Variants in DARS2 observed in about 807,000 individuals in gnomAD.
DARS2 encodes the protein aspartyl-tRNA synthetase 2, mitochondrial.
Under a neutral mutation model 83.0 loss-of-function variants are expected in DARS2, and 63 were observed. That is an observed-to-expected ratio of 0.76 (90% CI 0.62 to 0.94). The LOEUF (loss-of-function observed/expected upper bound fraction) is 0.94, where lower values mean the gene tolerates loss of function less well. DARS2 is among the 40% of genes least tolerant of loss of function. DARS2 has a pLI of 0.00. For missense variants in DARS2, 675 were observed against 774.4 expected, an observed-to-expected ratio of 0.87 and a Z score of 1.52; for synonymous variants, 250 against 269.3, an observed-to-expected ratio of 0.93 and a Z score of 0.70.
intron 12 of DARS2, among the ~76,000 whole-genome samples, chr1:173,846,186 C>A (rs12085748): frequency 0.091 from 13,758 of 151,640 alleles, 2,017 homozygotes; most frequent in African/African-American, 0.31. Flanking sequence ...AAAAATGTGC[C>A]GGGTGTGTTG....
chr1:173,842,290 T>TG (rs1653254787), intron 11 of DARS2, among the ~76,000 whole-genome samples: 1 of 43,624 alleles, frequency 2.3e-5, no homozygotes, highest in African/African-American at 1.1e-4. Flanking sequence ...CTTTCTTTTT[T>TG]TTTTTTTTTT....
rs1369213066 is a variant in DARS2, at chr1:173,844,530, TGTG to T, written c.1129-691_1129-689del. Among the ~76,000 whole-genome samples the T allele has an allele frequency of 5.3e-5, 8 of 151,324 alleles. No homozygotes were observed. In the East Asian group the frequency reaches 9.8e-4, roughly 19 times the overall value. On this transcript the variant is annotated intron_variant, in intron 11 of 16. Transcript: ENST00000649689. The stretch of plus-strand genomic sequence containing the variant: ...ACTAAAAATACAAAAATTAGCCAGG[TGTG>T]GTGGTGGGCACCTGTAATCCCAGCT...
In DARS2 at chr1:173,858,125, C is replaced by T. The variant is rs1234344319; in HGVS notation, c.*420C>T. 2.2e-5 allele frequency: 5 copies of T among 225,286 alleles called. No homozygotes were observed. The highest frequency in any genetic ancestry group is 4.5e-5 in the Non-Finnish European group (5 of 111,216). The allele number at this position is 225,286 out of a possible 1,614,324, so 14.0% of individuals were successfully genotyped here. ...GTTGATGGAGCATTTGCTTCATCAT[C>T]CTCATCAAGAGAATCATATAAATTA... On this transcript the variant is annotated 3_prime_UTR_variant, in exon 17 of 17. Transcript: ENST00000649689.
rs1164469532 is a variant in DARS2 at position 173,844,778 on chromosome 1, ATTTTTTTTTTT to A, written c.1129-428_1129-418del. ...TGTGTCATTTGGTAGCAGAAATTGG[ATTTTTTTTTTT>A]TTTTTTTTTTTTTTTTTTTTTTGAG... On this transcript the variant is annotated intron_variant, in intron 11 of 16. Coordinates refer to ENST00000649689, the MANE Select transcript of DARS2 (RefSeq NM_018122.5). 1.2e-3 allele frequency among the ~76,000 whole-genome samples: 71 copies of A among 56,862 alleles called. 1 individual carries two copies. The highest frequency in any genetic ancestry group is 4.1e-3 in the East Asian group (7 of 1,724). 37.3% of individuals were successfully genotyped at this position (56,862 alleles called of 152,430 possible). A position where few individuals can be genotyped will look rare whatever the true frequency, so the allele number is the denominator to read the frequency against.
At position 173,840,922 on chromosome 1, in the gene DARS2, A is replaced by G. The variant is rs1306381618; in HGVS notation, c.1077A>G (p.Ala359=). The G allele has an allele frequency of 1.2e-6, 2 of 1,613,308 alleles. No homozygotes were observed. Among genetic ancestry groups the G allele is most frequent in the Admixed American group, 3.3e-5 (2 of 60,020 alleles). ...RNTEIGFLQD[A]LSKPHGTVKA... ...CAGAGATTGGATTTCTTCAAGATGC[A>G]CTTAGTAAGCCCCATGGAACTGTGA... Residue 359 remains alanine, a synonymous_variant, in exon 11 of 17, where the codon GCA becomes GCG. Coordinates refer to ENST00000649689, the MANE Select transcript of DARS2 (RefSeq NM_018122.5).
chr1:173,828,422 T>C (rs1354342361), intron 3 of DARS2, 23 bp downstream of exon 3: 3 of 1,604,706 alleles, frequency 1.9e-6, no homozygotes, highest in Non-Finnish European at 2.6e-6. Flanking sequence ...TTCCTGTTAT[T>C]ATCTAAAAGC....
rs529652136 is a variant in DARS2, at chr1:173,828,316, C to CG, written c.228-17_228-16insG. The CG allele has an allele frequency of 9.2e-7, 1 of 1,081,278 alleles. No homozygotes were observed. Among genetic ancestry groups the CG allele is most frequent in the African/African-American group, 1.5e-5 (1 of 66,000 alleles). 67.0% of individuals were successfully genotyped at this position (1,081,278 alleles called of 1,614,324 possible). A position where few individuals can be genotyped will look rare whatever the true frequency, so the allele number is the denominator to read the frequency against. ...TTTTATCTTAAAATGTTTCTTTTCC[C>CG]CCCCCCCATTAATCAGGCAAAACAC... On this transcript the variant is annotated splice_polypyrimidine_tract_variant and intron_variant, in intron 2 of 16. Transcript: ENST00000649689.
At position 173,834,520 on chromosome 1, in the gene DARS2, G is replaced by T. The variant is rs368557958; in HGVS notation, c.663+1G>T. Reference sequence around the variant, plus strand: ...CACATTGTTTAAGAGGACCCCAGGGGTATGTATATTCCTTCAATCAGTCTA... The same window carrying T: ...CACATTGTTTAAGAGGACCCCAGGGTTATGTATATTCCTTCAATCAGTCTA... On this transcript the variant is annotated splice_donor_variant, in intron 7 of 16. Transcript: ENST00000649689. LOFTEE classifies it high-confidence loss of function. 6.2e-7 allele frequency: 1 copy of T among 1,601,484 alleles called. No individual in the cohort carries two copies. The highest frequency in any genetic ancestry group is 8.6e-7 in the Non-Finnish European group (1 of 1,168,708).
At position 173,838,234 on chromosome 1, in the gene DARS2, CAG is replaced by C; in HGVS notation, c.817_818del (p.Asp273GlnfsTer4). 1 of 1,613,558 alleles carries C rather than the reference CAG, an allele frequency of 6.2e-7. No individual in the cohort carries two copies. Among genetic ancestry groups the C allele is most frequent in the Non-Finnish European group, 8.5e-7 (1 of 1,179,592 alleles). ...TGTTATCGAGATGAAGGTTCAAGAC[CAG>C]ACAGACAGCCTGAGTTTACTCAGGT... On this transcript the variant is annotated frameshift_variant, in exon 9 of 17. Coordinates refer to ENST00000649689, the MANE Select transcript of DARS2 (RefSeq NM_018122.5). LOFTEE classifies it high-confidence loss of function.
Position 173,828,313 on chromosome 1 carries a change from TCCC to T in DARS2, c.228-12_228-10del. The T allele has an allele frequency of 2.3e-5, 28 of 1,230,574 alleles. No homozygotes were observed. Among genetic ancestry groups the T allele is most frequent in the Non-Finnish European group, 3.0e-5 (26 of 866,972 alleles). The allele number at this position is 1,230,574 out of a possible 1,614,324, so 76.2% of individuals were successfully genotyped here. A position where few individuals can be genotyped will look rare whatever the true frequency, so the allele number is the denominator to read the frequency against. ...AGATTTTATCTTAAAATGTTTCTTT[TCCC>T]CCCCCCCATTAATCAGGCAAAACAC... On this transcript the variant is annotated splice_polypyrimidine_tract_variant and intron_variant, in intron 2 of 16. Transcript: ENST00000649689.
At chr1:173,834,899 C>T (rs1252072703) in intron 7 of DARS2, among the ~76,000 whole-genome samples, 1 of 149,912 alleles carries the variant, frequency 6.7e-6, no homozygotes, top group East Asian at 2.0e-4. Context: ...ATGGCTCAGC[C>T]TCCTGAGTAG....
At chr1:173,828,239 ATGGATT>A (rs879544764) in intron 2 of DARS2, 88 bp from the exon 3 acceptor site, 225 of 1,226,882 alleles carry the variant, frequency 1.8e-4, no homozygotes, top group Non-Finnish European at 2.6e-4. Flanking sequence ...GAAAAATTGC[ATGGATT>A]TTTGTTTGCT....
At chr1:173,851,377 A>G (rs971589626) in intron 13 of DARS2, among the ~76,000 whole-genome samples, 1 of 152,158 alleles carries the variant, frequency 6.6e-6, no homozygotes, top group Non-Finnish European at 1.5e-5. Context: ...TCATATAACC[A>G]TGAAAAAATA....
rs139945224 is a variant in DARS2, at chr1:173,826,883, G to A, written c.227+97G>A. ...TTACAACCAGTCCGAAGAATAAAACGTTTTGCAACTCCTGCAGGATTAAGA... is the reference window on the plus strand; with the variant it reads ...TTACAACCAGTCCGAAGAATAAAACATTTTGCAACTCCTGCAGGATTAAGA... On this transcript the variant is annotated intron_variant, in intron 2 of 16. Transcript: ENST00000649689. 115 of 899,644 alleles carry A rather than the reference G, an allele frequency of 1.3e-4. No individual in the cohort carries two copies. The African/African-American group carries it at 1.5e-3, about 12-fold the overall frequency. The allele number at this position is 899,644 out of a possible 1,614,324, so 55.7% of individuals were successfully genotyped here.
chr1:173,853,725 C>T lies in DARS2; in HGVS notation c.1564-70C>T, dbSNP rs918920645. 3.3e-6 allele frequency: 5 copies of T among 1,518,056 alleles called. No individual in the cohort carries two copies. In the African/African-American group the frequency reaches 6.9e-5, roughly 21 times the overall value. 94.0% of individuals were successfully genotyped at this position (1,518,056 alleles called of 1,614,324 possible). A position where few individuals can be genotyped will look rare whatever the true frequency, so the allele number is the denominator to read the frequency against. On this transcript the variant is annotated intron_variant, in intron 14 of 16. Transcript: ENST00000649689. ...GTAATACATTGTCTTTAAAAATCTACAGGGTCTTCAACCCGTAGAACAGAA... is the reference window on the plus strand; with the variant it reads ...GTAATACATTGTCTTTAAAAATCTATAGGGTCTTCAACCCGTAGAACAGAA...
At position 173,853,786 on chromosome 1, in the gene DARS2, A is replaced by G; in HGVS notation, c.1564-9A>G. ...TTTCTCTAACATAAAGTATCTGTGA[A>G]TCTTCTAGGCCCGTAGCCAACACTA... On this transcript the variant is annotated splice_polypyrimidine_tract_variant and intron_variant, in intron 14 of 16. Transcript: ENST00000649689. 1 of 1,611,576 alleles carries G rather than the reference A, an allele frequency of 6.2e-7. No individual in the cohort carries two copies. Among genetic ancestry groups the G allele is most frequent in the Non-Finnish European group, 8.5e-7 (1 of 1,177,730 alleles).
At chr1:173,826,113 G>A (rs1262334494) in intron 1 of DARS2, among the ~76,000 whole-genome samples, 1 of 151,728 alleles carries the variant, frequency 6.6e-6, no homozygotes, top group African/African-American at 2.4e-5. Context: ...AGTCCCCGCT[G>A]CTGGGGAGGC....
At chr1:173,850,211 T>C in intron 12 of DARS2, 116 bp from the exon 13 acceptor site, 1 of 1,187,150 alleles carries the variant, frequency 8.4e-7, no homozygotes, top group Non-Finnish European at 1.2e-6. Context: ...ATAGAGACAA[T>C]CTCTTTTAAA....
intron 11 of DARS2, among the ~76,000 whole-genome samples, chr1:173,843,519 C>T (rs1653310829): frequency 6.6e-6 from 1 of 152,144 alleles, no homozygotes; most frequent in African/African-American, 2.4e-5. Context: ...GAGATTGCCT[C>T]ACTGCACTCC....
Sources: allele counts gnomAD v4.1 joint callset (sites outside exome capture counted in the v4.1 genomes callset), GRCh38; gene constraint gnomAD v4.1.1; transcripts MANE v1.5; gene names NCBI Gene and HGNC (gene_info 2026-07-23, HGNC 2026-07-21).